Variants in NFYC observed in about 807,000 individuals in gnomAD.
NFYC encodes the protein CAAT box DNA-binding protein subunit C.
NFYC carries 25 observed loss-of-function variants against 53.1 expected under a neutral mutation model. The observed-to-expected ratio is 0.47, with a 90% CI of 0.34 to 0.66. NFYC has a LOEUF of 0.66. Among genes scored for constraint, NFYC ranks in the 30% least tolerant of loss-of-function variants. NFYC has a pLI of 0.01. For missense variants in NFYC, 260 were observed against 422.7 expected (o/e 0.62, Z 3.38); for synonymous variants, 145 against 152.6 (o/e 0.95, Z 0.37).
chr1:40,707,493 A>AG (rs1491176784), intron 1 of NFYC, among the ~76,000 whole-genome samples: 14 of 140,436 alleles, frequency 1.0e-4, no homozygotes, highest in Admixed American at 2.9e-4. Context: ...AAAAAAAAAA[A>AG]AGAGAGAGAG....
At chr1:40,752,582 A>T (rs1645975953) in intron 4 of NFYC, among the ~76,000 whole-genome samples, 1 of 152,042 alleles carries the variant, frequency 6.6e-6, no homozygotes, top group Non-Finnish European at 1.5e-5. Flanking sequence ...CTCACAAGCT[A>T]TGTTTTTTAT....
At chr1:40,702,963 T>C (rs1050243922) in intron 1 of NFYC, among the ~76,000 whole-genome samples, 3 of 152,030 alleles carry the variant, frequency 2.0e-5, no homozygotes, top group Admixed American at 6.5e-5. Flanking sequence ...ATTACAGGCA[T>C]GTACCAGCAC....
At chr1:40,701,890 C>G (rs987747975) in intron 1 of NFYC, among the ~76,000 whole-genome samples, 1 of 152,184 alleles carries the variant, frequency 6.6e-6, no homozygotes, top group African/African-American at 2.4e-5. Context: ...CACGAGGTCA[C>G]TCACCTAAAA....
At chr1:40,722,032 G>A (rs1644347967) in intron 1 of NFYC, among the ~76,000 whole-genome samples, 1 of 152,110 alleles carries the variant, frequency 6.6e-6, no homozygotes, top group Non-Finnish European at 1.5e-5. Context: ...TTAGCCAGGC[G>A]TGGTGGTGGG....
At chr1:40,720,463 T>C (rs1455480248) in intron 1 of NFYC, among the ~76,000 whole-genome samples, 2 of 152,154 alleles carry the variant, frequency 1.3e-5, no homozygotes, top group Admixed American at 6.5e-5. Context: ...GGCTCTTCCA[T>C]TGGATTACTG....
intron 1 of NFYC, among the ~76,000 whole-genome samples, chr1:40,702,289 G>A (rs891720366): frequency 6.6e-6 from 1 of 150,806 alleles, no homozygotes. Flanking sequence ...TTCTAATGAC[G>A]TGGTCATTGC....
intron 7 of NFYC, chr1:40,766,226 C>T (rs1317424211): frequency 5.1e-6 from 1 of 195,884 alleles, no homozygotes; most frequent in African/African-American, 2.4e-5. Flanking sequence ...GAGGCCCACA[C>T]TTAATGTACA....
intron 1 of NFYC, among the ~76,000 whole-genome samples, chr1:40,706,742 G>T (rs1465592733): frequency 6.6e-6 from 1 of 152,124 alleles, no homozygotes; most frequent in Non-Finnish European, 1.5e-5. Flanking sequence ...GAAGCAGTTG[G>T]TCCAAAATCC....
intron 1 of NFYC, among the ~76,000 whole-genome samples, chr1:40,706,964 G>A (rs1643722228): frequency 6.6e-6 from 1 of 152,078 alleles, no homozygotes; most frequent in South Asian, 2.1e-4. Flanking sequence ...GAGGTCAGGA[G>A]TTTGAAACCA....
At chr1:40,758,041 T>C (rs1308903425) in intron 5 of NFYC, 80 bp from the exon 6 acceptor site, 10 of 1,527,678 alleles carry the variant, frequency 6.5e-6, no homozygotes, top group South Asian at 3.5e-5. Context: ...ATAGCCTGTT[T>C]GGGGGAAGAG....
At chr1:40,726,292 A>G (rs929436094) in intron 1 of NFYC, among the ~76,000 whole-genome samples, 2 of 151,578 alleles carry the variant, frequency 1.3e-5, no homozygotes, top group African/African-American at 4.9e-5. Context: ...TAATTTTTGT[A>G]TTTTTAGTAG....
intron 1 of NFYC, among the ~76,000 whole-genome samples, chr1:40,715,185 CT>C (rs1390180938): frequency 6.6e-6 from 1 of 152,008 alleles, no homozygotes; most frequent in East Asian, 1.9e-4. Flanking sequence ...GGGCGGATCA[CT>C]TGAGGTCAGG....
rs1553153616 is a variant in NFYC, at chr1:40,726,126, T to TGTG, written c.-8-12710_-8-12709insGTG. ...ATGTGTTTGTGTGTGTGTGTGTGTGTTTTTTTTTGAGATGGAGTTTCGCTC... is the reference window on the plus strand; with the variant it reads ...ATGTGTTTGTGTGTGTGTGTGTGTGTGTGTTTTTTTTGAGATGGAGTTTCGCTC... On this transcript the variant is annotated intron_variant, in intron 1 of 9. Coordinates refer to ENST00000447388, the MANE Select transcript of NFYC (RefSeq NM_014223.5). Among the ~76,000 whole-genome samples the TGTG allele has an allele frequency of 8.1e-5, 12 of 147,574 alleles. No homozygotes were observed. The East Asian group carries it at 2.4e-3, about 29-fold the overall frequency.
chr1:40,766,986 C>G, intron 8 of NFYC: 1 of 1,551,292 alleles, frequency 6.4e-7, no homozygotes, highest in Non-Finnish European at 8.7e-7. Context: ...TGTGCACACC[C>G]ATCAGACCTG....
intron 3 of NFYC, 61 bp from the exon 4 acceptor site, chr1:40,749,512 G>A: frequency 7.4e-7 from 1 of 1,348,592 alleles, no homozygotes; most frequent in Non-Finnish European, 1.1e-6. Context: ...AATGAGGCAA[G>A]AGACAGACTG....
chr1:40,699,148 CAG>C (rs1643306952), intron 1 of NFYC, among the ~76,000 whole-genome samples: 2 of 151,730 alleles, frequency 1.3e-5, no homozygotes, highest in East Asian at 3.9e-4. Context: ...GCCTTGACGA[CAG>C]GGTGAGACTG....
intron 1 of NFYC, among the ~76,000 whole-genome samples, chr1:40,695,167 A>T (rs1325867069): frequency 1.3e-5 from 2 of 152,088 alleles, no homozygotes; most frequent in African/African-American, 4.8e-5. Flanking sequence ...GGAACCCGGG[A>T]GGTAGAGGTT....
intron 1 of NFYC, among the ~76,000 whole-genome samples, chr1:40,706,367 A>G (rs868209532): frequency 6.8e-4 from 104 of 152,230 alleles, no homozygotes; most frequent in African/African-American, 2.3e-3. Flanking sequence ...AAATCATTTC[A>G]TTTCATCATG....
At chr1:40,740,709 G>T (rs746255874) in intron 2 of NFYC, among the ~76,000 whole-genome samples, 16 of 152,132 alleles carry the variant, frequency 1.1e-4, no homozygotes, top group Non-Finnish European at 1.8e-4. Flanking sequence ...ATATTTTAGG[G>T]GGTTAATCTC....
Sources: allele counts gnomAD v4.1 joint callset (sites outside exome capture counted in the v4.1 genomes callset), GRCh38; gene constraint gnomAD v4.1.1; transcripts MANE v1.5; gene names NCBI Gene and HGNC (gene_info 2026-07-23, HGNC 2026-07-21).